SPAG16: variants seen among roughly 807,000 people sequenced by gnomAD.
The protein encoded by SPAG16 is sperm-associated antigen 16 protein.
SPAG16 carries 86 observed loss-of-function variants against 80.4 expected under a neutral mutation model. The ratio of observed to expected loss-of-function variants is 1.07; its 90% confidence interval spans 0.90 to 1.28. SPAG16 has a LOEUF of 1.28. SPAG16 is among the 50% of genes most tolerant of loss of function. SPAG16 has a pLI of 0.00. For missense variants in SPAG16, 870 were observed against 765.3 expected, an observed-to-expected ratio of 1.14 and a Z score of -1.61; for synonymous variants, 294 against 265.9, an observed-to-expected ratio of 1.11 and a Z score of -1.03.
chr2:213,876,555 A>T (rs2076151127), intron 11 of SPAG16, among the ~76,000 whole-genome samples: 2 of 152,178 alleles, frequency 1.3e-5, no homozygotes, highest in South Asian at 4.1e-4. Context: ...CTAATCCAAT[A>T]GCTTTGGCCA....
At chr2:214,141,666 T>G (rs879810151) in intron 14 of SPAG16, among the ~76,000 whole-genome samples, 1 of 152,144 alleles carries the variant, frequency 6.6e-6, no homozygotes, top group Non-Finnish European at 1.5e-5. Flanking sequence ...AACTAAAGCA[T>G]AGAATTTTAG....
At chr2:214,189,760 C>T (rs944327155) in intron 15 of SPAG16, among the ~76,000 whole-genome samples, 3 of 151,792 alleles carry the variant, frequency 2.0e-5, no homozygotes, top group Admixed American at 2.0e-4. Context: ...AAAAAATCAA[C>T]TTAATTATAT....
intron 15 of SPAG16, among the ~76,000 whole-genome samples, chr2:214,284,636 T>C (rs80298711): frequency 0.013 from 1,908 of 152,330 alleles, 42 homozygotes; most frequent in African/African-American, 0.043. Flanking sequence ...GATCTACAGA[T>C]GCAGAAAGTT....
At chr2:214,282,702 A>G (rs939866756) in intron 15 of SPAG16, among the ~76,000 whole-genome samples, 3 of 152,296 alleles carry the variant, frequency 2.0e-5, no homozygotes, top group Admixed American at 2.0e-4. Flanking sequence ...AAACCTTTGT[A>G]ATATATCTCC....
At chr2:214,155,762 A>T (rs1010437001) in intron 15 of SPAG16, among the ~76,000 whole-genome samples, 1 of 152,114 alleles carries the variant, frequency 6.6e-6, no homozygotes, top group Non-Finnish European at 1.5e-5. Context: ...CTTGTCCTAC[A>T]CTAAAGTCTT....
At chr2:213,535,695 C>T (rs2076217963) in intron 10 of SPAG16, among the ~76,000 whole-genome samples, 1 of 152,032 alleles carries the variant, frequency 6.6e-6, no homozygotes. Flanking sequence ...TTTATGAGTG[C>T]AGGTATGTGT....
intron 12 of SPAG16, among the ~76,000 whole-genome samples, chr2:214,007,867 AG>A (rs1237575144): frequency 6.6e-6 from 1 of 152,186 alleles, no homozygotes; most frequent in Non-Finnish European, 1.5e-5. Flanking sequence ...GAATATTGAT[AG>A]GAATGTTGAC....
intron 15 of SPAG16, among the ~76,000 whole-genome samples, chr2:214,266,777 T>A (rs2125883863): frequency 6.6e-6 from 1 of 151,366 alleles, no homozygotes; most frequent in East Asian, 1.9e-4. Flanking sequence ...AAATCGGTAA[T>A]GTTTCTATAC....
intron 9 of SPAG16, among the ~76,000 whole-genome samples, chr2:213,453,301 C>G (rs1179150218): frequency 6.6e-6 from 1 of 152,040 alleles, no homozygotes; most frequent in Non-Finnish European, 1.5e-5. Flanking sequence ...AAATAATTTT[C>G]AAGTCAATGA....
intron 1 of SPAG16, among the ~76,000 whole-genome samples, chr2:213,289,614 T>C (rs987789317): frequency 1.3e-5 from 2 of 152,234 alleles, no homozygotes; most frequent in African/African-American, 4.8e-5. Context: ...CTGGCCTTCC[T>C]AAGAAAGGGA....
chr2:214,291,579 A>G (rs1419256630), intron 15 of SPAG16, among the ~76,000 whole-genome samples: 5 of 152,170 alleles, frequency 3.3e-5, no homozygotes, highest in South Asian at 2.1e-4. Context: ...TGCTGGGATT[A>G]CAGGCGTGAG....
chr2:213,762,651 T>C (rs1220043115), intron 10 of SPAG16, among the ~76,000 whole-genome samples: 1 of 152,168 alleles, frequency 6.6e-6, no homozygotes, highest in African/African-American at 2.4e-5. Flanking sequence ...GTACTAAAAA[T>C]TTTAACAAAG....
At chr2:213,512,528 CTT>C (rs955985760) in intron 10 of SPAG16, among the ~76,000 whole-genome samples, 2 of 152,050 alleles carry the variant, frequency 1.3e-5, no homozygotes. Flanking sequence ...ATAGCATAAA[CTT>C]TGTGTGAACT....
rs540184230 is a variant in SPAG16 at position 213,976,829 on chromosome 2, T to C, written c.1401-37122T>C. On this transcript the variant is annotated intron_variant, in intron 12 of 15. Coordinates refer to ENST00000331683, the MANE Select transcript of SPAG16 (RefSeq NM_024532.5). ...TGAGTTTGGAAGTGGTTTTGTTTGTTTGTTTGTTTGTTTGTTTTTTCCTAA... is the reference window on the plus strand; with the variant it reads ...TGAGTTTGGAAGTGGTTTTGTTTGTCTGTTTGTTTGTTTGTTTTTTCCTAA... Among the ~76,000 whole-genome samples, 8 of 152,204 alleles carry C rather than the reference T, an allele frequency of 5.3e-5. No homozygotes were observed. In the South Asian group the frequency reaches 1.4e-3, roughly 28 times the overall value.
intron 11 of SPAG16, among the ~76,000 whole-genome samples, chr2:213,929,076 C>T (rs537231747): frequency 4.0e-5 from 5 of 126,340 alleles, no homozygotes; most frequent in Admixed American, 1.0e-4. Flanking sequence ...TGCAGTGGTG[C>T]GATCTGGGCT....
chr2:213,859,178 C>CAAAAAAA (rs1165853142), intron 10 of SPAG16, among the ~76,000 whole-genome samples: 178 of 9,364 alleles, frequency 0.019, 73 homozygotes, highest in East Asian at 0.031. Flanking sequence ...CACTCCGTCT[C>CAAAAAAA]AAAAAAAAAA....
intron 10 of SPAG16, among the ~76,000 whole-genome samples, chr2:213,723,757 A>G (rs1295478459): frequency 1.3e-5 from 2 of 152,196 alleles, no homozygotes; most frequent in Non-Finnish European, 2.9e-5. Context: ...GGGCTTATAT[A>G]ACCATTTCCA....
intron 10 of SPAG16, among the ~76,000 whole-genome samples, chr2:213,828,013 G>A (rs2073405798): frequency 6.6e-6 from 1 of 151,978 alleles, no homozygotes; most frequent in Non-Finnish European, 1.5e-5. Context: ...AATCTCCTTG[G>A]TGTTGTATAA....
intron 10 of SPAG16, among the ~76,000 whole-genome samples, chr2:213,776,978 A>G (rs1490120036): frequency 6.6e-6 from 1 of 152,092 alleles, no homozygotes; most frequent in Non-Finnish European, 1.5e-5. Flanking sequence ...AGAGTTATGT[A>G]AGATTAAAAA....
Sources: gnomAD v4.1 joint callset for allele counts (sites outside exome capture counted in the v4.1 genomes callset) on GRCh38, gnomAD v4.1.1 for gene constraint, MANE v1.5 for transcripts, NCBI Gene and HGNC (gene_info 2026-07-23, HGNC 2026-07-21) for gene names.